CNTN5: variants seen among roughly 807,000 people sequenced by gnomAD.
CNTN5 encodes the protein contactin-5.
In CNTN5, 77 loss-of-function variants were observed where a neutral mutation model predicts 129.1. The observed-to-expected ratio is 0.60, with a 90% CI of 0.50 to 0.72. CNTN5 has a LOEUF of 0.72. Among genes scored for constraint, CNTN5 ranks in the 30% least tolerant of loss-of-function variants. The pLI is 0.00. For missense variants in CNTN5, 1,478 were observed against 1,328.8 expected (o/e 1.11, Z -1.75); for synonymous variants, 509 against 465.6 (o/e 1.09, Z -1.20).
chr11:99,842,761 A>G (rs1297385749), intron 4 of CNTN5, among the ~76,000 whole-genome samples: 4 of 152,312 alleles, frequency 2.6e-5, no homozygotes, highest in African/African-American at 7.2e-5. Context: ...CCAATTTTTT[A>G]TAAACTCATA....
At chr11:99,206,670 C>A (rs1327386749) in intron 1 of CNTN5, among the ~76,000 whole-genome samples, 1 of 152,046 alleles carries the variant, frequency 6.6e-6, no homozygotes, top group African/African-American at 2.4e-5. Flanking sequence ...ATTTCCAGAG[C>A]TTTGGACTTG....
intron 1 of CNTN5, among the ~76,000 whole-genome samples, chr11:99,112,602 C>T (rs1400161267): frequency 6.6e-6 from 1 of 151,922 alleles, no homozygotes; most frequent in African/African-American, 2.4e-5. Flanking sequence ...CGCCTGAAAG[C>T]CTTAAAATCC....
chr11:99,699,246 A>T (rs1430039262), intron 3 of CNTN5, among the ~76,000 whole-genome samples: 1 of 151,498 alleles, frequency 6.6e-6, no homozygotes, highest in Non-Finnish European at 1.5e-5. Flanking sequence ...ATTAAATTTG[A>T]GGTAAAATTC....
intron 3 of CNTN5, among the ~76,000 whole-genome samples, chr11:99,657,316 A>T (rs1048080239): frequency 2.6e-5 from 4 of 152,168 alleles, no homozygotes; most frequent in Non-Finnish European, 5.9e-5. Flanking sequence ...CAACAAATGT[A>T]TAAAATAAAT....
At chr11:99,471,815 G>A (rs1022710606) in intron 2 of CNTN5, among the ~76,000 whole-genome samples, 3 of 151,870 alleles carry the variant, frequency 2.0e-5, no homozygotes, top group Non-Finnish European at 4.4e-5. Context: ...CTTCTTAGTT[G>A]TCCCTTTTCC....
At chr11:99,407,816 G>T (rs902816122) in intron 2 of CNTN5, among the ~76,000 whole-genome samples, 2 of 152,068 alleles carry the variant, frequency 1.3e-5, no homozygotes, top group African/African-American at 4.8e-5. Flanking sequence ...AGGGGAGTTT[G>T]GTCTAGTTTT....
At chr11:100,033,349 A>G (rs933930863) in intron 9 of CNTN5, among the ~76,000 whole-genome samples, 2 of 152,210 alleles carry the variant, frequency 1.3e-5, no homozygotes, top group Non-Finnish European at 2.9e-5. Context: ...TCAGAGGTAC[A>G]TCCATATGTA....
intron 21 of CNTN5, among the ~76,000 whole-genome samples, chr11:100,321,116 T>A (rs901319374): frequency 1.3e-5 from 2 of 152,084 alleles, no homozygotes; most frequent in Admixed American, 6.5e-5. Flanking sequence ...ATTTTGATAG[T>A]ACAATGACTC....
intron 8 of CNTN5, among the ~76,000 whole-genome samples, chr11:99,967,446 A>G (rs1423614836): frequency 6.6e-6 from 1 of 152,136 alleles, no homozygotes; most frequent in East Asian, 1.9e-4. Flanking sequence ...CCAATCCAAT[A>G]TGAGGTAGGA....
At chr11:99,377,872 C>T (rs1325873774) in intron 2 of CNTN5, among the ~76,000 whole-genome samples, 1 of 152,096 alleles carries the variant, frequency 6.6e-6, no homozygotes, top group East Asian at 1.9e-4. Flanking sequence ...GTCCTTTACA[C>T]CCTTTATGCA....
At chr11:100,013,023 T>G (rs557856200) in intron 9 of CNTN5, among the ~76,000 whole-genome samples, 11 of 152,298 alleles carry the variant, frequency 7.2e-5, no homozygotes, top group African/African-American at 2.4e-4. Flanking sequence ...AAGAATGAAG[T>G]TATGCCTTTT....
At chr11:100,258,626 CCAACATT>C (rs199780632) in intron 17 of CNTN5, among the ~76,000 whole-genome samples, 15 of 151,660 alleles carry the variant, frequency 9.9e-5, no homozygotes, top group African/African-American at 2.4e-4. Flanking sequence ...AGAGTGGGGG[CCAACATT>C]CAACATTCAA....
intron 7 of CNTN5, among the ~76,000 whole-genome samples, chr11:99,920,188 C>T (rs927676666): frequency 2.6e-5 from 4 of 152,092 alleles, no homozygotes; most frequent in Non-Finnish European, 4.4e-5. Flanking sequence ...CTCCATAAAA[C>T]ACTATTTTCA....
intron 1 of CNTN5, among the ~76,000 whole-genome samples, chr11:99,292,486 G>T (rs1339478554): frequency 6.6e-6 from 1 of 151,910 alleles, no homozygotes; most frequent in African/African-American, 2.4e-5. Flanking sequence ...AATTGCTCTG[G>T]CTAGGACTTC....
chr11:99,714,255 T>C (rs1200169894), intron 3 of CNTN5, among the ~76,000 whole-genome samples: 1 of 151,980 alleles, frequency 6.6e-6, no homozygotes, highest in Non-Finnish European at 1.5e-5. Context: ...AAGCGTTATA[T>C]TTCATTGTAT....
intron 9 of CNTN5, among the ~76,000 whole-genome samples, chr11:100,021,049 T>A (rs1464973471): frequency 6.6e-6 from 1 of 152,174 alleles, no homozygotes; most frequent in East Asian, 1.9e-4. Flanking sequence ...GTTCTATGAT[T>A]TCTAATTTAT....
intron 15 of CNTN5, among the ~76,000 whole-genome samples, chr11:100,208,202 A>G (rs1591393734): frequency 6.6e-6 from 1 of 152,186 alleles, no homozygotes; most frequent in African/African-American, 2.4e-5. Context: ...TTTTCACTAC[A>G]AAATAAACCT....
chr11:99,897,473 A>G lies in CNTN5; in HGVS notation c.578-18581A>G, dbSNP rs373129354. Among the ~76,000 whole-genome samples, 34 of 152,242 alleles carry G rather than the reference A, an allele frequency of 2.2e-4. No homozygotes were observed. The South Asian group carries it at 6.0e-3, about 27-fold the overall frequency. ...TTCTCAGCAGAGACCTTACAAGCCA[A>G]AAGAGGTTGGTGTTGTATTTTTAGC... On this transcript the variant is annotated intron_variant, in intron 6 of 24. Transcript: ENST00000524871.
At chr11:99,049,167 CT>C (rs947943835) in intron 1 of CNTN5, among the ~76,000 whole-genome samples, 4 of 152,116 alleles carry the variant, frequency 2.6e-5, no homozygotes, top group Admixed American at 1.3e-4. Context: ...AATTTATATT[CT>C]TTGCACCTGA....
Sources: gnomAD v4.1 joint callset for allele counts (sites outside exome capture counted in the v4.1 genomes callset) on GRCh38, gnomAD v4.1.1 for gene constraint, MANE v1.5 for transcripts, NCBI Gene and HGNC (gene_info 2026-07-23, HGNC 2026-07-21) for gene names.